SLAIN1: variants seen among roughly 807,000 people sequenced by gnomAD.
SLAIN1 encodes SLAIN motif-containing protein 1.
SLAIN1 carries 17 observed loss-of-function variants against 55.4 expected under a neutral mutation model. The ratio of observed to expected loss-of-function variants is 0.31; its 90% CI spans 0.21 to 0.46. The LOEUF (loss-of-function observed/expected upper bound fraction) is 0.46. SLAIN1 is among the 20% of genes least tolerant of loss of function. The probability of loss-of-function intolerance (pLI) is 1.00; values close to 1 mark genes in which losing one functional copy is unlikely to be tolerated. For missense variants in SLAIN1, 682 were observed against 785.1 expected (o/e 0.87, Z 1.57); for synonymous variants, 348 against 337.4 (o/e 1.03, Z -0.35).
At chr13:77,711,576 G>T (rs1040771937) in intron 1 of SLAIN1, among the ~76,000 whole-genome samples, 1 of 152,136 alleles carries the variant, frequency 6.6e-6, no homozygotes, top group African/African-American at 2.4e-5. Flanking sequence ...AATTAAGGCA[G>T]TAATTAATAA....
At chr13:77,711,315 G>A (rs1208568945) in intron 1 of SLAIN1, among the ~76,000 whole-genome samples, 2 of 152,032 alleles carry the variant, frequency 1.3e-5, no homozygotes, top group Non-Finnish European at 2.9e-5. Flanking sequence ...CAACAAAATA[G>A]ATAGACCGCT....
At chr13:77,736,563 C>A (rs1873130500) in intron 2 of SLAIN1, among the ~76,000 whole-genome samples, 1 of 152,048 alleles carries the variant, frequency 6.6e-6, no homozygotes, top group African/African-American at 2.4e-5. Context: ...AACAAAACAA[C>A]AACAAAAACA....
At chr13:77,699,249 A>AT in intron 1 of SLAIN1, 2 of 374,434 alleles carry the variant, frequency 5.3e-6, no homozygotes, top group Admixed American at 4.3e-5. Context: ...TTATTTATTT[A>AT]TTTATTTTTT....
In SLAIN1 at chr13:77,697,935, T is replaced by A; in HGVS notation, c.22T>A (p.Cys8Ser). The change falls in exon 1 of 7, where the codon TGC (cysteine) becomes AGC (serine). Residue 8 changes from cysteine to serine, a missense_variant. Cys to Ser is a moderately radical substitution (Grantham distance 112). Around this residue, in one of 3 missense-constraint regions of SLAIN1, gnomAD observed 401 missense variants for 417.3 expected, o/e 0.96. Coordinates refer to ENST00000418532, the MANE Select transcript of SLAIN1 (RefSeq NM_001242868.2). The stretch of plus-strand genomic sequence containing the variant: ...CACGATGATGGCGGAGCAGGTGAAA[T>A]GCGCCTCGGCAGGGGTCAGCTCTGG... MMAEQVKCASAGVSSGAG... is the reference protein window; with the variant it reads MMAEQVKSASAGVSSGAG... The A allele has an allele frequency of 1.4e-6, 2 of 1,418,206 alleles. No homozygotes were observed. The highest frequency in any genetic ancestry group is 1.9e-6 in the Non-Finnish European group (2 of 1,076,246). The allele number at this position is 1,418,206 out of a possible 1,614,324, so 87.9% of individuals were successfully genotyped here. A position where few individuals can be genotyped will look rare whatever the true frequency, so the allele number is the denominator to read the frequency against.
intron 2 of SLAIN1, among the ~76,000 whole-genome samples, chr13:77,733,523 G>A (rs1424696649): frequency 6.6e-6 from 1 of 152,054 alleles, no homozygotes; most frequent in African/African-American, 2.4e-5. Context: ...TGAATGAATG[G>A]GAACTGCAGG....
chr13:77,762,672 T>C (rs1436444016), intron 6 of SLAIN1, among the ~76,000 whole-genome samples: 1 of 152,170 alleles, frequency 6.6e-6, no homozygotes, highest in African/African-American at 2.4e-5. Context: ...AGTGTTGGGA[T>C]TATAGATGTG....
intron 2 of SLAIN1, among the ~76,000 whole-genome samples, chr13:77,740,316 G>A (rs1873355045): frequency 6.6e-6 from 1 of 151,994 alleles, no homozygotes; most frequent in South Asian, 2.1e-4. Context: ...GGTGGTGAGT[G>A]GTTAAGGAAG....
intron 1 of SLAIN1, among the ~76,000 whole-genome samples, chr13:77,700,264 A>G (rs1262849209): frequency 2.6e-5 from 4 of 152,190 alleles, no homozygotes; most frequent in Non-Finnish European, 4.4e-5. Context: ...ATCAACTTTA[A>G]CAGAAATCAC....
chr13:77,751,340 G>A (rs558543088), intron 4 of SLAIN1, among the ~76,000 whole-genome samples: 6 of 152,028 alleles, frequency 3.9e-5, no homozygotes, highest in Non-Finnish European at 7.4e-5. Flanking sequence ...TTAATTTTAA[G>A]TTTAATTAAA....
intron 6 of SLAIN1, among the ~76,000 whole-genome samples, chr13:77,761,741 T>A (rs1209643713): frequency 6.6e-6 from 1 of 152,228 alleles, no homozygotes; most frequent in African/African-American, 2.4e-5. Flanking sequence ...TTTTTTTTTT[T>A]TCCCTTCAAA....
Position 77,698,330 on chromosome 13 carries a change from G to A in SLAIN1, c.417G>A (p.Leu139=). The A allele has an allele frequency of 6.9e-7, 1 of 1,449,072 alleles. No homozygotes were observed. Among genetic ancestry groups the A allele is most frequent in the Non-Finnish European group, 9.1e-7 (1 of 1,103,120 alleles). 89.8% of individuals were successfully genotyped at this position (1,449,072 alleles called of 1,614,324 possible). ...PSPAPSLLCS[L]AQPPEAPFVY... ...CCGCGCCCTCCCTGCTTTGCAGCCT[G>A]GCGCAGCCACCCGAGGCGCCCTTCG... Residue 139 remains leucine (L), a synonymous_variant, in exon 1 of 7, where the codon CTG becomes CTA. Coordinates refer to ENST00000418532, the MANE Select transcript of SLAIN1 (RefSeq NM_001242868.2). The surrounding 1 kb of genome is among the most constrained non-coding windows in gnomAD (Gnocchi z 4.1).
At chr13:77,749,400 A>G (rs917673077) in intron 4 of SLAIN1, among the ~76,000 whole-genome samples, 6 of 152,124 alleles carry the variant, frequency 3.9e-5, no homozygotes, top group Non-Finnish European at 7.4e-5. Flanking sequence ...ACGGTATGGC[A>G]GGGGTTACTG....
chr13:77,733,110 ACT>A (rs1872954308), intron 2 of SLAIN1, among the ~76,000 whole-genome samples: 1 of 152,008 alleles, frequency 6.6e-6, no homozygotes, highest in African/African-American at 2.4e-5. Flanking sequence ...TAATTATAAA[ACT>A]CTGATTTCCG....
Position 77,698,129 on chromosome 13 carries a change from C to T in SLAIN1, c.216C>T (p.Pro72=), listed in dbSNP as rs1481973910. 2.0e-6 allele frequency: 2 copies of T among 990,596 alleles called. No individual in the cohort carries two copies. Among genetic ancestry groups the T allele is most frequent in the East Asian group, 6.1e-5 (1 of 16,384 alleles). The allele number at this position is 990,596 out of a possible 1,614,324, so 61.4% of individuals were successfully genotyped here. ...CGCCGCCGCCCGCCGCGCCGCCCCCCGCTGGCCTGCAGCCTTTGGGTCCTC... is the reference window on the plus strand; with the variant it reads ...CGCCGCCGCCCGCCGCGCCGCCCCCTGCTGGCCTGCAGCCTTTGGGTCCTC... ...LPPPPPAAPP[P]AGLQPLGPRS... is the part of the protein sequence containing the mutation. Residue 72 remains proline (P), a synonymous_variant, in exon 1 of 7, where the codon CCC becomes CCT. Transcript: ENST00000418532. The surrounding 1 kb of genome is among the most constrained non-coding windows in gnomAD (Gnocchi z 4.1).
At chr13:77,743,072 C>A (rs1040837748) in intron 2 of SLAIN1, 7 of 1,302,842 alleles carry the variant, frequency 5.4e-6, no homozygotes, top group African/African-American at 1.5e-5. Context: ...TCCTTATAGT[C>A]CTGTTGCAAG....
At chr13:77,746,452 T>C (rs772311286) in intron 3 of SLAIN1, 62 bp from the exon 4 acceptor site, 66 of 1,384,774 alleles carry the variant, frequency 4.8e-5, no homozygotes, top group Non-Finnish European at 5.5e-5. Flanking sequence ...TAATACTTGG[T>C]TAATTATAAC....
intron 2 of SLAIN1, among the ~76,000 whole-genome samples, chr13:77,724,692 A>C (rs1220294673): frequency 6.6e-6 from 1 of 152,198 alleles, no homozygotes; most frequent in Non-Finnish European, 1.5e-5. Flanking sequence ...AATTGGAATA[A>C]TGCGAGCTTT....
At position 77,698,498 on chromosome 13, in the gene SLAIN1, G is replaced by A; in HGVS notation, c.585G>A (p.Leu195=). 6.8e-7 allele frequency: 1 copy of A among 1,460,778 alleles called. No homozygotes were observed. The allele number at this position is 1,460,778 out of a possible 1,614,324, so 90.5% of individuals were successfully genotyped here. A position where few individuals can be genotyped will look rare whatever the true frequency, so the allele number is the denominator to read the frequency against. Residue 195 remains leucine, a synonymous_variant, in exon 1 of 7, where the codon CTG becomes CTA. Coordinates refer to ENST00000418532, the MANE Select transcript of SLAIN1 (RefSeq NM_001242868.2). This position sits in a 1 kb window ranked among gnomAD's most constrained non-coding sequence, Gnocchi z 4.1. ...TGGACGAGGTGGAATTGCTGGATCT[G>A]GAGAGCGTAGCCGCCTGGCGGGACG... ...TLLDEVELLD[L]ESVAAWRDED...
At chr13:77,704,223 G>GTA (rs1448687403) in intron 1 of SLAIN1, among the ~76,000 whole-genome samples, 13 of 134,418 alleles carry the variant, frequency 9.7e-5, no homozygotes, top group Non-Finnish European at 1.6e-4. Context: ...TGTTTTATAT[G>GTA]TATATATACA....
Sources: allele counts gnomAD v4.1 joint callset (sites outside exome capture counted in the v4.1 genomes callset), GRCh38; gene constraint gnomAD v4.1.1; regional missense constraint gnomAD v4.1.1; non-coding constraint Gnocchi (gnomAD v3.1); transcripts MANE v1.5; gene names NCBI Gene and HGNC (gene_info 2026-07-23, HGNC 2026-07-21).